The following CRYZ variants were observed in gnomAD, a reference collection of about 807,000 sequenced individuals.
The protein encoded by CRYZ is zeta-crystallin.
CRYZ carries 35 observed loss-of-function variants against 34.1 expected under a neutral mutation model. That is an observed-to-expected ratio of 1.03 (90% CI 0.78 to 1.36). CRYZ has a LOEUF of 1.36. Among genes scored for constraint, CRYZ ranks in the 40% most tolerant of loss-of-function variants. The probability of loss-of-function intolerance (pLI) is 0.00; values close to 1 mark genes in which losing one functional copy is unlikely to be tolerated. For synonymous variants in CRYZ, 137 were observed against 136.5 expected (o/e 1.00, Z -0.03); for missense variants, 403 against 391.8 (o/e 1.03, Z -0.24).
intron 5 of CRYZ, among the ~76,000 whole-genome samples, chr1:74,713,802 A>G (rs749234770): frequency 6.6e-6 from 1 of 152,148 alleles, no homozygotes; most frequent in Admixed American, 6.5e-5. Flanking sequence ...CAGGCCTTTT[A>G]TTTTTAAAAT....
At chr1:74,718,529 C>T (rs1317618135) in intron 4 of CRYZ, among the ~76,000 whole-genome samples, 1 of 152,110 alleles carries the variant, frequency 6.6e-6, no homozygotes, top group South Asian at 2.1e-4. Context: ...CAACTTTATT[C>T]TTCGCTACTC....
chr1:74,710,838 T>C (rs1646992181), intron 5 of CRYZ, among the ~76,000 whole-genome samples: 4 of 152,180 alleles, frequency 2.6e-5, no homozygotes, highest in Admixed American at 2.6e-4. Context: ...ACTTATATTC[T>C]AAGGGTGGAG....
Position 74,732,999 on chromosome 1 carries a change from A to C in CRYZ, c.-57T>G. ...TTAAAATCTGCGTGGGCTTCTTCAG[A>C]TTCCACAGAAATGAGGACTGCCACA... On this transcript the variant is annotated 5_prime_UTR_variant, in exon 1 of 9. Transcript: ENST00000340866. The C allele has an allele frequency of 1.9e-6, 1 of 516,658 alleles. No homozygotes were observed. The allele number at this position is 516,658 out of a possible 1,614,324, so 32.0% of individuals were successfully genotyped here.
rs147153422 is a variant in CRYZ, at chr1:74,714,494, T to C, written c.480+85A>G. On this transcript the variant is annotated intron_variant, in intron 5 of 8. Coordinates refer to ENST00000340866, the MANE Select transcript of CRYZ (RefSeq NM_001889.4). ...GCACCTTTGACTCTATTTATAAATC[T>C]GACTTTTAAAAATGACCAAAGGAAC... is the stretch of plus-strand genomic sequence containing the variant. 1.5e-3 allele frequency: 1,978 copies of C among 1,324,930 alleles called. 27 individuals carry two copies. In the African/African-American group the frequency reaches 0.026, roughly 18 times the overall value. 82.1% of individuals were successfully genotyped at this position (1,324,930 alleles called of 1,614,324 possible).
At chr1:74,710,015 T>C (rs1569972638) in intron 6 of CRYZ, 83 bp downstream of exon 6, 1 of 1,126,376 alleles carries the variant, frequency 8.9e-7, no homozygotes, top group East Asian at 2.5e-5. Context: ...TTTAAAGGAG[T>C]AGTTGGTTAA....
intron 4 of CRYZ, among the ~76,000 whole-genome samples, chr1:74,719,000 G>A (rs1647115946): frequency 6.6e-6 from 1 of 152,130 alleles, no homozygotes; most frequent in African/African-American, 2.4e-5. Context: ...TAGACTGTGA[G>A]CATCTTGAAG....
In CRYZ at chr1:74,723,209, G is replaced by A. The variant is rs373937619; in HGVS notation, c.173C>T (p.Thr58Ile). ...GGGTAAGAGTGGTTTTCTACTATAAGTACCAGAGCGAATGTATGTCTCCAC... is the reference window on the plus strand; with the variant it reads ...GGGTAAGAGTGGTTTTCTACTATAAATACCAGAGCGAATGTATGTCTCCAC... Reference protein sequence around the residue: ...NPVETYIRSGTYSRKPLLPYT... With the variant: ...NPVETYIRSGIYSRKPLLPYT... The change falls in exon 3 of 9, where the codon ACT becomes ATT. Residue 58 changes from threonine to isoleucine, a missense_variant. Thr to Ile is a moderately conservative substitution (Grantham distance 89). Coordinates refer to ENST00000340866, the MANE Select transcript of CRYZ (RefSeq NM_001889.4). The A allele has an allele frequency of 9.3e-6, 15 of 1,613,844 alleles. No homozygotes were observed. Among genetic ancestry groups the A allele is most frequent in the African/African-American group, 1.3e-5 (1 of 74,926 alleles).
intron 3 of CRYZ, among the ~76,000 whole-genome samples, chr1:74,720,554 A>C (rs1647145726): frequency 1.3e-5 from 2 of 152,190 alleles, no homozygotes; most frequent in African/African-American, 4.8e-5. Flanking sequence ...AGAATAGGCA[A>C]ATTATTAAGG....
chr1:74,711,064 C>T (rs115610403), intron 5 of CRYZ, among the ~76,000 whole-genome samples: 2,037 of 152,168 alleles, frequency 0.013, 24 homozygotes, highest in Non-Finnish European at 0.022. Flanking sequence ...TAGTGAATGG[C>T]CATGGCTAAC....
intron 3 of CRYZ, among the ~76,000 whole-genome samples, chr1:74,720,343 G>T (rs867878916): frequency 1.3e-5 from 2 of 152,006 alleles, no homozygotes; most frequent in African/African-American, 4.8e-5. Flanking sequence ...TTCTTGTCAC[G>T]GCACCAGAAA....
intron 5 of CRYZ, among the ~76,000 whole-genome samples, chr1:74,712,401 A>G (rs983498279): frequency 5.3e-5 from 8 of 152,198 alleles, no homozygotes; most frequent in African/African-American, 1.9e-4. Context: ...CGGAAGGAGA[A>G]ATGATGCAAA....
chr1:74,706,936 G>T lies in CRYZ; in HGVS notation c.791C>A (p.Ser264Ter), dbSNP rs148239081. The T allele has an allele frequency of 5.6e-6, 9 of 1,612,506 alleles. No individual in the cohort carries two copies. The change falls in exon 8 of 9, where the codon TCG (serine) becomes TAG (stop). Residue 264 changes from serine to a stop codon, truncating the protein, a stop_gained. Transcript: ENST00000340866. LOFTEE classifies it high-confidence loss of function. Reference protein sequence around the residue: ...INPRDTMAKESSIIGVTLFSS... With the variant: ...INPRDTMAKE ...AAAGAGAGTAACTCCAATTATACTCGACTCCTTTGCCATGGTGTCTCGTGG... is the reference window on the plus strand; with the variant it reads ...AAAGAGAGTAACTCCAATTATACTCTACTCCTTTGCCATGGTGTCTCGTGG...
At chr1:74,720,939 G>C (rs1647153027) in intron 3 of CRYZ, among the ~76,000 whole-genome samples, 1 of 151,930 alleles carries the variant, frequency 6.6e-6, no homozygotes, top group Non-Finnish European at 1.5e-5. Flanking sequence ...ACTGAAGATA[G>C]GTACAAGAAA....
chr1:74,709,803 G>A (rs972762137), intron 6 of CRYZ, among the ~76,000 whole-genome samples: 1 of 152,078 alleles, frequency 6.6e-6, no homozygotes, highest in African/African-American at 2.4e-5. Context: ...CAAATACAAA[G>A]CTGCAGCTTT....
intron 5 of CRYZ, among the ~76,000 whole-genome samples, chr1:74,712,229 G>C (rs375820271): frequency 6.6e-6 from 1 of 152,200 alleles, no homozygotes; most frequent in Non-Finnish European, 1.5e-5. Flanking sequence ...ATTTAGAGCA[G>C]AGTTTCCCAA....
In CRYZ at chr1:74,714,625, C is replaced by T. The variant is rs753213162; in HGVS notation, c.434G>A (p.Cys145Tyr). ...CAGAACACTCTCTCCAGCTTTCACA[C>T]AGGCACTGCAAAGGAAAGCATAAGT... ...TAYRALIHSA[C>Y]VKAGESVLVH... The change falls in exon 5 of 9, where the codon TGT (cysteine) becomes TAT (tyrosine). Residue 145 changes from cysteine (C) to tyrosine (Y), a missense_variant. Physicochemically the swap from Cys to Tyr is radical, Grantham distance 194 (BLOSUM62 -2). Transcript: ENST00000340866. The T allele has an allele frequency of 1.2e-6, 2 of 1,613,672 alleles. No homozygotes were observed. The highest frequency in any genetic ancestry group is 1.1e-5 in the South Asian group (1 of 91,064).
chr1:74,729,376 T>C lies in CRYZ; in HGVS notation c.-14+3580A>G, dbSNP rs371175541. Among the ~76,000 whole-genome samples, 26 of 151,916 alleles carry C rather than the reference T, an allele frequency of 1.7e-4. No individual in the cohort carries two copies. The East Asian group carries it at 4.5e-3, about 26-fold the overall frequency. On this transcript the variant is annotated intron_variant, in intron 1 of 8. Transcript: ENST00000340866. ...TCTTGTATATAGTAGACATCATTAT[T>C]GTTTTCCCCTCTATTCTTCTTTTCA...
intron 1 of CRYZ, among the ~76,000 whole-genome samples, chr1:74,731,048 T>C (rs1647696955): frequency 6.6e-6 from 1 of 152,234 alleles, no homozygotes; most frequent in Admixed American, 6.5e-5. Context: ...CTTGTGCTTT[T>C]TAATTAAACT....
At chr1:74,725,298 G>A (rs1192203642) in intron 1 of CRYZ, among the ~76,000 whole-genome samples, 1 of 152,172 alleles carries the variant, frequency 6.6e-6, no homozygotes, top group African/African-American at 2.4e-5. Context: ...AATTTATAAA[G>A]GAAACAGGTT....
Sources: allele counts gnomAD v4.1 joint callset (sites outside exome capture counted in the v4.1 genomes callset), GRCh38; gene constraint gnomAD v4.1.1; transcripts MANE v1.5; gene names NCBI Gene and HGNC (gene_info 2026-07-23, HGNC 2026-07-21).